Variants in RAD50 observed in about 807,000 individuals in gnomAD.
RAD50 encodes the protein DNA repair protein RAD50.
A neutral mutation model predicts 168.8 loss-of-function variants in RAD50; 132 were observed. The observed-to-expected ratio is 0.78, with a 90% confidence interval of 0.68 to 0.90. RAD50 has a LOEUF of 0.90. RAD50 is among the 40% of genes least tolerant of loss of function. The pLI, the probability that RAD50 is intolerant of heterozygous loss-of-function variation, is 0.00. For missense variants in RAD50, 1,347 were observed against 1,534.4 expected (o/e 0.88, Z 2.04); for synonymous variants, 525 against 497.4 (o/e 1.06, Z -0.74).
At chr5:132,575,445 C>G (rs531829899) in intron 2 of RAD50, among the ~76,000 whole-genome samples, 1 of 152,282 alleles carries the variant, frequency 6.6e-6, no homozygotes, top group Admixed American at 6.5e-5. Flanking sequence ...GAGACAAAGA[C>G]AAACCAAATC....
chr5:132,587,788 A>G (rs1198500932), intron 6 of RAD50, 98 bp downstream of exon 6: 28 of 1,568,208 alleles, frequency 1.8e-5, no homozygotes, highest in Non-Finnish European at 2.4e-5. Context: ...GAAAAAAACA[A>G]ATACAGATCT....
chr5:132,619,879 TATATATAG>T (rs1751254565), intron 21 of RAD50, among the ~76,000 whole-genome samples: 2 of 121,986 alleles, frequency 1.6e-5, no homozygotes, highest in Admixed American at 8.3e-5. Context: ...AAGATATATA[TATATATAG>T]AGAGAGAGAG....
rs915435351 is a variant in RAD50, at chr5:132,557,142, C to G, written c.-183C>G. 2 of 841,656 alleles carry G rather than the reference C, an allele frequency of 2.4e-6. No individual in the cohort carries two copies. Among genetic ancestry groups the G allele is most frequent in the African/African-American group, 1.7e-5 (1 of 59,488 alleles). 52.1% of individuals were successfully genotyped at this position (841,656 alleles called of 1,614,324 possible). ...TGGTGTGGGAGGAAAGGCTCCATCC[C>G]CCGCCCCCTCTCTCCCGCTGTTGGC... On this transcript the variant is annotated 5_prime_UTR_variant, in exon 1 of 25. Transcript: ENST00000378823.
Position 132,642,994 on chromosome 5 carries a change from A to T in RAD50, c.*630A>T, listed in dbSNP as rs1395756948. 1.9e-6 allele frequency: 1 copy of T among 528,222 alleles called. No individual in the cohort carries two copies. The highest frequency in any genetic ancestry group is 2.3e-5 in the Admixed American group (1 of 44,334). 32.7% of individuals were successfully genotyped at this position (528,222 alleles called of 1,614,324 possible). A position where few individuals can be genotyped will look rare whatever the true frequency, so the allele number is the denominator to read the frequency against. On this transcript the variant is annotated 3_prime_UTR_variant, in exon 25 of 25. Coordinates refer to ENST00000378823, the MANE Select transcript of RAD50 (RefSeq NM_005732.4). ...TACCCACCACCTTCTTCTCCTACAT[A>T]TCCCTTCCAGATGGTCATCCAGACT...
At chr5:132,621,457 C>G (rs933409125) in intron 21 of RAD50, among the ~76,000 whole-genome samples, 3 of 152,128 alleles carry the variant, frequency 2.0e-5, no homozygotes, top group Non-Finnish European at 4.4e-5. Context: ...GTTTCATAAG[C>G]CCGCATGTTT....
At chr5:132,629,374 G>A (rs1751422612) in intron 21 of RAD50, among the ~76,000 whole-genome samples, 1 of 152,132 alleles carries the variant, frequency 6.6e-6, no homozygotes, top group Non-Finnish European at 1.5e-5. Context: ...TTTCAGCAGA[G>A]AAAAGTGCCT....
At chr5:132,627,328 T>C (rs1170839288) in intron 21 of RAD50, among the ~76,000 whole-genome samples, 1 of 152,200 alleles carries the variant, frequency 6.6e-6, no homozygotes, top group Non-Finnish European at 1.5e-5. Flanking sequence ...TTTTGTTCAA[T>C]AAAAATTTGA....
chr5:132,634,210 A>G (rs1751530532), intron 21 of RAD50, among the ~76,000 whole-genome samples: 7 of 152,150 alleles, frequency 4.6e-5, no homozygotes, highest in Admixed American at 4.6e-4. Context: ...ACTCCTTAGT[A>G]TGCATCTCCT....
Position 132,618,222 on chromosome 5 carries a change from A to T in RAD50, c.3317A>T (p.Glu1106Val). The change falls in exon 21 of 25, where the codon GAA (glutamate) becomes GTA (valine). Residue 1106 changes from glutamate (E) to valine (V), a missense_variant. By Grantham distance (121) the Glu-to-Val change is moderately radical. Coordinates refer to ENST00000378823, the MANE Select transcript of RAD50 (RefSeq NM_005732.4). ...QFRDAEEKYR[E>V]MMIVMRTTEL... ...CGGGATGCTGAGGAAAAGTATAGAG[A>T]AATGATGATTGTTATGAGGACAACA... 1 of 1,614,050 alleles carries T rather than the reference A, an allele frequency of 6.2e-7. No homozygotes were observed. The highest frequency in any genetic ancestry group is 2.2e-5 in the East Asian group (1 of 44,830).
Position 132,642,387 on chromosome 5 carries a change from A to G in RAD50, c.*23A>G. 5 of 1,597,706 alleles carry G rather than the reference A, an allele frequency of 3.1e-6. No homozygotes were observed. Among genetic ancestry groups the G allele is most frequent in the Middle Eastern group, 1.7e-4 (1 of 6,006 alleles). The stretch of plus-strand genomic sequence containing the variant: ...TAAAAATATCCAAGATTTAAATGCC[A>G]TAGAAATGTAGGTCCTCAGAAAGTG... On this transcript the variant is annotated 3_prime_UTR_variant, in exon 25 of 25. Transcript: ENST00000378823.
intron 16 of RAD50, among the ~76,000 whole-genome samples, chr5:132,605,548 T>G (rs1375377505): frequency 6.6e-6 from 1 of 152,100 alleles, no homozygotes; most frequent in Non-Finnish European, 1.5e-5. Flanking sequence ...TCTCACTATG[T>G]TGTTCAGGCT....
intron 21 of RAD50, among the ~76,000 whole-genome samples, chr5:132,632,124 C>T (rs1312523961): frequency 1.3e-5 from 2 of 152,206 alleles, no homozygotes; most frequent in African/African-American, 4.8e-5. Flanking sequence ...CCATATTTTC[C>T]TGTGCTATCT....
intron 22 of RAD50, among the ~76,000 whole-genome samples, chr5:132,637,523 CTTTT>C (rs1203291995): frequency 4.6e-5 from 6 of 131,244 alleles, no homozygotes; most frequent in African/African-American, 6.5e-5. Flanking sequence ...TTTTTTTTTT[CTTTT>C]TCTTTTTTTT....
chr5:132,603,501 G>T lies in RAD50; in HGVS notation c.2397+12G>T, dbSNP rs749788085. 1 of 1,610,860 alleles carries T rather than the reference G, an allele frequency of 6.2e-7. No homozygotes were observed. Among genetic ancestry groups the T allele is most frequent in the Admixed American group, 1.7e-5 (1 of 60,006 alleles). On this transcript the variant is annotated intron_variant, in intron 14 of 24. Transcript: ENST00000378823. ...TGGAGAGGTTCCAGGTAAGTTTATT[G>T]TAGTTTAAGGCAGAATAAAACTTGT...
At chr5:132,609,449 A>G in intron 19 of RAD50, 53 bp downstream of exon 19, 1 of 1,599,198 alleles carries the variant, frequency 6.3e-7, no homozygotes, top group Non-Finnish European at 8.5e-7. Flanking sequence ...TCTTTTCTAT[A>G]GTTTTATTTT....
In RAD50 at chr5:132,589,748, A is replaced by T; in HGVS notation, c.1363A>T (p.Asn455Tyr). Residue 455 changes from asparagine (N) to tyrosine (Y), a missense_variant, in exon 9 of 25, where the codon AAT becomes TAT. Around this residue, in one of 3 missense-constraint regions of RAD50, gnomAD observed 703 missense variants for 767.7 expected, o/e 0.92. Transcript: ENST00000378823. The stretch of plus-strand genomic sequence containing the variant: ...ATCAGAAATCCTAAGTAAGAAGCAG[A>T]ATGAGCTGAAAAATGTGAAGTATGA... ...LKSEILSKKQ[N>Y]ELKNVKYELQ... 1 of 1,613,750 alleles carries T rather than the reference A, an allele frequency of 6.2e-7. No homozygotes were observed. The highest frequency in any genetic ancestry group is 8.5e-7 in the Non-Finnish European group (1 of 1,179,794).
intron 2 of RAD50, among the ~76,000 whole-genome samples, chr5:132,569,412 C>G (rs1261168154): frequency 6.6e-6 from 1 of 152,062 alleles, no homozygotes; most frequent in Non-Finnish European, 1.5e-5. Flanking sequence ...GAAAATGAAA[C>G]ATTTTATGAT....
At chr5:132,597,152 G>C (rs1750805488) in intron 13 of RAD50, among the ~76,000 whole-genome samples, 1 of 152,138 alleles carries the variant, frequency 6.6e-6, no homozygotes, top group African/African-American at 2.4e-5. Flanking sequence ...GCTGAGAAAA[G>C]CTCAGGAAGC....
Position 132,559,348 on chromosome 5 carries a change from C to T in RAD50, c.194C>T (p.Thr65Ile), listed in dbSNP as rs587781345. 6.2e-7 allele frequency: 1 copy of T among 1,608,762 alleles called. No individual in the cohort carries two copies. The highest frequency in any genetic ancestry group is 8.5e-7 in the Non-Finnish European group (1 of 1,177,298). ...TTCCCTCCTGGAACCAAAGGAAATA[C>T]ATTTGTACACGATCCCAAGGTAATG... Reference protein sequence around the residue: ...GDFPPGTKGNTFVHDPKVAQE... With the variant: ...GDFPPGTKGNIFVHDPKVAQE... The change falls in exon 2 of 25, where the codon ACA becomes ATA. Residue 65 changes from threonine (T) to isoleucine (I), a missense_variant. Thr to Ile is a moderately conservative substitution (Grantham distance 89, BLOSUM62 -1). Coordinates refer to ENST00000378823, the MANE Select transcript of RAD50 (RefSeq NM_005732.4).
Sources: gnomAD v4.1 joint callset for allele counts (sites outside exome capture counted in the v4.1 genomes callset) on GRCh38, gnomAD v4.1.1 for gene constraint, gnomAD v4.1.1 regional missense constraint, MANE v1.5 for transcripts, NCBI Gene and HGNC (gene_info 2026-07-23, HGNC 2026-07-21) for gene names.